TBC1D17: variants seen among roughly 807,000 people sequenced by gnomAD.
The protein encoded by TBC1D17 is TBC1 domain family member 17.
TBC1D17 carries 69 observed loss-of-function variants against 78.8 expected under a neutral mutation model. The observed-to-expected ratio is 0.88, with a 90% CI of 0.72 to 1.07. The LOEUF (loss-of-function observed/expected upper bound fraction) is 1.07. Among genes scored for constraint, TBC1D17 ranks in the 50% least tolerant of loss-of-function variants. The pLI, the probability that TBC1D17 is intolerant of heterozygous loss-of-function variation, is 0.00. For missense variants in TBC1D17, 957 were observed against 861.0 expected (o/e 1.11, Z -1.39); for synonymous variants, 456 against 358.3 (o/e 1.27, Z -3.08).
chr19:49,881,408 C>A lies in TBC1D17; in HGVS notation c.460C>A (p.Leu154Met). The A allele has an allele frequency of 6.2e-7, 1 of 1,613,040 alleles. No individual in the cohort carries two copies. The highest frequency in any genetic ancestry group is 8.5e-7 in the Non-Finnish European group (1 of 1,180,006). ...CCAGGCTGGAGGTTCCCTGCCCGCA[C>A]TGCACTTCCACCGCGGGGGCACCCG... is the stretch of plus-strand genomic sequence containing the variant. ...VTQAGGSLPALHFHRGGTRAL... is the reference protein window; with the variant it reads ...VTQAGGSLPAMHFHRGGTRAL... The change falls in exon 5 of 17, where the codon CTG (leucine) becomes ATG (methionine). Residue 154 changes from leucine (L) to methionine (M), a missense_variant. Leu to Met is a conservative substitution (Grantham distance 15). Coordinates refer to ENST00000221543, the MANE Select transcript of TBC1D17 (RefSeq NM_024682.3).
Position 49,882,793 on chromosome 19 carries a change from G to C in TBC1D17, c.828G>C (p.Glu276Asp), listed in dbSNP as rs760332105. 7 of 1,600,414 alleles carry C rather than the reference G, an allele frequency of 4.4e-6. No individual in the cohort carries two copies. In the Admixed American group the frequency reaches 1.0e-4, roughly 24 times the overall value. ...CVELGPRPTVERGPPVTEEEW... is the reference protein window; with the variant it reads ...CVELGPRPTVDRGPPVTEEEW... The stretch of plus-strand genomic sequence containing the variant: ...AGCTGGGGCCTCGGCCAACCGTGGA[G>C]CGGGGCCCTCCAGTTACAGAGGAGG... Residue 276 changes from glutamate (E) to aspartate (D), a missense_variant, in exon 8 of 17, where the codon GAG becomes GAC. By Grantham distance (45) the Glu-to-Asp change is conservative. Coordinates refer to ENST00000221543, the MANE Select transcript of TBC1D17 (RefSeq NM_024682.3).
Position 49,888,263 on chromosome 19 carries a change from G to C in TBC1D17, c.1692G>C (p.Val564=). The C allele has an allele frequency of 6.3e-7, 1 of 1,594,076 alleles. No individual in the cohort carries two copies. Among genetic ancestry groups the C allele is most frequent in the Non-Finnish European group, 8.5e-7 (1 of 1,171,154 alleles). The part of the protein sequence containing the change: ...HINELTMKLS[V]EDVLTRAEAL... The stretch of plus-strand genomic sequence containing the variant: ...ACGAGCTGACTATGAAGCTGAGCGT[G>C]GAGGACGTGCTGACCCGCGCCGAGG... Residue 564 remains valine (V), a synonymous_variant, in exon 16 of 17, where the codon GTG becomes GTC. Transcript: ENST00000221543.
In TBC1D17 at chr19:49,884,742, G is replaced by T; in HGVS notation, c.1428G>T (p.Leu476=). 6.2e-7 allele frequency: 1 copy of T among 1,613,948 alleles called. No individual in the cohort carries two copies. Residue 476 remains leucine (L), a synonymous_variant, in exon 13 of 17, where the codon CTG becomes CTT. Transcript: ENST00000221543. The part of the protein sequence containing the change: ...LLLLLRVLDP[L]LCDFLDSQDS... ...TGCTCCTGAGGGTGCTGGACCCCCTGCTCTGCGACTTCCTGGGTATGTCTC... is the reference window on the plus strand; with the variant it reads ...TGCTCCTGAGGGTGCTGGACCCCCTTCTCTGCGACTTCCTGGGTATGTCTC...
intron 14 of TBC1D17, 72 bp downstream of exon 14, chr19:49,887,645 GA>G: frequency 1.2e-6 from 2 of 1,610,124 alleles, no homozygotes; most frequent in Non-Finnish European, 1.7e-6. Flanking sequence ...GGCGGAGAGG[GA>G]CAGACCCTGG....
In TBC1D17 at chr19:49,887,984, C is replaced by T. The variant is rs559131656; in HGVS notation, c.1659+150C>T. The T allele has an allele frequency of 3.8e-5, 35 of 914,302 alleles. No homozygotes were observed. In the East Asian group the frequency reaches 8.0e-4, roughly 21 times the overall value. The allele number at this position is 914,302 out of a possible 1,614,324, so 56.6% of individuals were successfully genotyped here. On this transcript the variant is annotated intron_variant, in intron 15 of 16. Coordinates refer to ENST00000221543, the MANE Select transcript of TBC1D17 (RefSeq NM_024682.3). ...TGGGGGTGGGGCCGCGTAGGTTTCC[C>T]TTCTGCCCCATGCCATGCCTGCTCC...
In TBC1D17 at chr19:49,881,296, C is replaced by T. The variant is rs774979079; in HGVS notation, c.348C>T (p.Ser116=). 3 of 1,613,066 alleles carry T rather than the reference C, an allele frequency of 1.9e-6. No individual in the cohort carries two copies. The highest frequency in any genetic ancestry group is 1.3e-5 in the African/African-American group (1 of 74,928). Residue 116 remains serine (S), a synonymous_variant, in exon 5 of 17, where the codon TCC becomes TCT. Coordinates refer to ENST00000221543, the MANE Select transcript of TBC1D17 (RefSeq NM_024682.3). ...CAGAGCCCAGCTGCCCCCAGGGCTC[C>T]TGGGCCTTCTCAGTGAGTCTGGGGG... ...RGAEPSCPQG[S]WAFSVSLGEL...
At chr19:49,882,594 C>T (rs1188730914) in intron 7 of TBC1D17, among the ~76,000 whole-genome samples, 170 bp from the exon 8 acceptor site, 2 of 152,250 alleles carry the variant, frequency 1.3e-5, no homozygotes, top group African/African-American at 4.8e-5. Flanking sequence ...TGGGGGACCC[C>T]TCCTAACTGG....
At chr19:49,880,125 T>C (rs547985302) in intron 3 of TBC1D17, among the ~76,000 whole-genome samples, 154 bp from the exon 4 acceptor site, 1 of 152,322 alleles carries the variant, frequency 6.6e-6, no homozygotes, top group South Asian at 2.1e-4. Flanking sequence ...CCCAAAGTGC[T>C]GGGATTACAG....
intron 13 of TBC1D17, chr19:49,887,078 C>A (rs2075064417): frequency 4.0e-6 from 1 of 247,832 alleles, no homozygotes; most frequent in Non-Finnish European, 8.0e-6. Context: ...CTCAGGTGAT[C>A]CACCCGCCTC....
rs1157459339 is a variant in TBC1D17 at position 49,884,561 on chromosome 19, T to C, written c.1344+2T>C. On this transcript the variant is annotated splice_donor_variant, in intron 12 of 16. Transcript: ENST00000221543. LOFTEE classifies it high-confidence loss of function. ...TTCTGTGGCTTCATGGAGCTCGTGG[T>C]GAGGCTTGGGTCAGGGGTGGGACAC... 1 of 1,614,006 alleles carries C rather than the reference T, an allele frequency of 6.2e-7. No homozygotes were observed. The highest frequency in any genetic ancestry group is 1.3e-5 in the African/African-American group (1 of 74,924).
Position 49,888,543 on chromosome 19 carries a change from G to T in TBC1D17, c.1866G>T (p.Pro622=). The change falls in exon 17 of 17, where the codon CCG becomes CCT. Residue 622 remains proline (P), a synonymous_variant. Transcript: ENST00000221543. ...LSPTRAPPTP[P]PSTDTAPQPD... ...CCACCCGGGCCCCGCCCACCCCGCC[G>T]CCCTCCACGGACACAGCCCCGCAGC... 1.8e-6 allele frequency: 1 copy of T among 551,476 alleles called. No individual in the cohort carries two copies. 34.2% of individuals were successfully genotyped at this position (551,476 alleles called of 1,614,324 possible).
chr19:49,883,158 T>A, intron 9 of TBC1D17, 82 bp downstream of exon 9: 1 of 1,315,468 alleles, frequency 7.6e-7, no homozygotes. Flanking sequence ...CTGTGGACGC[T>A]GGTTGTGAAC....
chr19:49,888,342 G>A, intron 16 of TBC1D17, 25 bp downstream of exon 16: 1 of 1,503,724 alleles, frequency 6.7e-7, no homozygotes, highest in Non-Finnish European at 8.9e-7. Context: ...GCCCCGCAGC[G>A]CCCCGCCCGA....
chr19:49,878,103 T>C, intron 1 of TBC1D17, 40 bp from the exon 2 acceptor site: 2 of 1,517,762 alleles, frequency 1.3e-6, no homozygotes. Context: ...GCTGGTCCCC[T>C]CGCTTGGGCC....
chr19:49,888,744 A>C lies in TBC1D17; in HGVS notation c.*120A>C. The C allele has an allele frequency of 7.0e-5, 67 of 959,554 alleles. No homozygotes were observed. The highest frequency in any genetic ancestry group is 3.0e-4 in the East Asian group (11 of 36,580). 59.4% of individuals were successfully genotyped at this position (959,554 alleles called of 1,614,324 possible). On this transcript the variant is annotated 3_prime_UTR_variant, in exon 17 of 17. Transcript: ENST00000221543. ...TGGCTTCATTAAACTGACACTTCTC[A>C]TGTGCAGTTGGCTTCTTGTTGGTGG...
rs1393657413 is a variant in TBC1D17, at chr19:49,878,563, C to T, written c.186C>T (p.Phe62=). The T allele has an allele frequency of 3.1e-6, 5 of 1,614,114 alleles. No homozygotes were observed. Among genetic ancestry groups the T allele is most frequent in the Admixed American group, 1.7e-5 (1 of 60,018 alleles). Residue 62 remains phenylalanine, a synonymous_variant, in exon 3 of 17, where the codon TTC becomes TTT. Transcript: ENST00000221543. ...CTGGAGATTCCACCCAAATCCTCTT[C>T]TCCAAGAAGGTAGGCTCCACCCGCT... ...EEAGDSTQIL[F]SKKDSSGGDS...
intron 1 of TBC1D17, 23 bp from the exon 2 acceptor site, chr19:49,878,120 C>G: frequency 1.3e-6 from 2 of 1,557,596 alleles, no homozygotes; most frequent in South Asian, 1.2e-5. Flanking sequence ...GGCCCCAGCC[C>G]TCGCTGGTTC....
chr19:49,884,133 G>C, intron 10 of TBC1D17, 120 bp from the exon 11 acceptor site: 1 of 912,202 alleles, frequency 1.1e-6, no homozygotes, highest in Non-Finnish European at 1.7e-6. Context: ...TTCTCCCCCA[G>C]AGCAAACCCC....
chr19:49,880,229 T>C, intron 3 of TBC1D17, 50 bp from the exon 4 acceptor site: 1 of 1,604,442 alleles, frequency 6.2e-7, no homozygotes, highest in African/African-American at 1.3e-5. Flanking sequence ...GCCTCGAGGC[T>C]AAGATCTGAA....
Sources: gnomAD v4.1 joint callset for allele counts (sites outside exome capture counted in the v4.1 genomes callset) on GRCh38, gnomAD v4.1.1 for gene constraint, MANE v1.5 for transcripts, NCBI Gene and HGNC (gene_info 2026-07-23, HGNC 2026-07-21) for gene names.